Variants in CACNA2D2 observed in about 807,000 individuals in gnomAD.
CACNA2D2 encodes the protein voltage-dependent calcium channel subunit alpha-2/delta-2.
In CACNA2D2, 48 loss-of-function variants were observed where a neutral mutation model predicts 166.4. That is an observed-to-expected ratio of 0.29 (90% CI 0.23 to 0.37). The LOEUF (loss-of-function observed/expected upper bound fraction) is 0.37, where lower values mean the gene tolerates loss of function less well. Among genes scored for constraint, CACNA2D2 ranks in the 10% least tolerant of loss-of-function variants. The pLI is 1.00. For missense variants in CACNA2D2, 1,122 were observed against 1,433.0 expected (o/e 0.78, Z 3.50); for synonymous variants, 561 against 573.7 (o/e 0.98, Z 0.32).
intron 2 of CACNA2D2, among the ~76,000 whole-genome samples, chr3:50,460,462 T>G (rs778434007): frequency 6.7e-6 from 1 of 149,364 alleles, no homozygotes; most frequent in African/African-American, 2.6e-5. Flanking sequence ...CAAAATTATT[T>G]CAAAATAAAA....
chr3:50,464,258 A>G (rs1048671062), intron 2 of CACNA2D2, among the ~76,000 whole-genome samples: 13 of 152,210 alleles, frequency 8.5e-5, no homozygotes, highest in African/African-American at 2.9e-4. Flanking sequence ...GCACTCCAGG[A>G]TCTGTGGAGG....
intron 1 of CACNA2D2, among the ~76,000 whole-genome samples, chr3:50,498,572 G>C (rs1698820812): frequency 1.3e-5 from 2 of 152,214 alleles, no homozygotes; most frequent in Non-Finnish European, 2.9e-5. Context: ...CTCTGGGCTG[G>C]GGGTGCTCCA....
intron 4 of CACNA2D2, among the ~76,000 whole-genome samples, chr3:50,392,979 A>C (rs1368322607): frequency 6.6e-6 from 1 of 152,154 alleles, no homozygotes; most frequent in African/African-American, 2.4e-5. Context: ...CCAGGGGTAA[A>C]GGAAGAGTGC....
chr3:50,480,049 C>T (rs1457888260), intron 1 of CACNA2D2, among the ~76,000 whole-genome samples: 1 of 152,140 alleles, frequency 6.6e-6, no homozygotes, highest in Non-Finnish European at 1.5e-5. Context: ...GATCAAGTCA[C>T]GTCCTCCAAT....
chr3:50,394,299 G>T, intron 3 of CACNA2D2, 131 bp from the exon 4 acceptor site: 1 of 709,858 alleles, frequency 1.4e-6, no homozygotes. Context: ...CTCATCCTAC[G>T]AGACCCTCAG....
At chr3:50,432,680 T>C (rs577517717) in intron 3 of CACNA2D2, among the ~76,000 whole-genome samples, 5 of 152,152 alleles carry the variant, frequency 3.3e-5, no homozygotes, top group African/African-American at 4.8e-5. Context: ...CCCACACTCA[T>C]GTCCAGGAGA....
chr3:50,493,924 A>T (rs1698620176), intron 1 of CACNA2D2, among the ~76,000 whole-genome samples: 1 of 152,210 alleles, frequency 6.6e-6, no homozygotes, highest in African/African-American at 2.4e-5. Context: ...CGGAGGCCAG[A>T]GCTCTTCCCA....
chr3:50,367,158 AC>A lies in CACNA2D2; in HGVS notation c.2402-50del. The A allele has an allele frequency of 7.1e-7, 1 of 1,398,812 alleles. No individual in the cohort carries two copies. The highest frequency in any genetic ancestry group is 1.0e-6 in the Non-Finnish European group (1 of 992,924). The allele number at this position is 1,398,812 out of a possible 1,614,324, so 86.7% of individuals were successfully genotyped here. A position where few individuals can be genotyped will look rare whatever the true frequency, so the allele number is the denominator to read the frequency against. Reference sequence around the variant, plus strand: ...GGAGTGGGGTCTGGCGGCCACACTGACCACTCTATGCTGGGTCCTACAAACC... The same window carrying A: ...GGAGTGGGGTCTGGCGGCCACACTGACACTCTATGCTGGGTCCTACAAACC... On this transcript the variant is annotated intron_variant, in intron 27 of 37. Coordinates refer to ENST00000424201, the MANE Select transcript of CACNA2D2 (RefSeq NM_006030.4). This position sits in a 1 kb window ranked among gnomAD's most constrained non-coding sequence, Gnocchi z 6.5.
At chr3:50,415,631 T>C (rs553808523) in intron 3 of CACNA2D2, among the ~76,000 whole-genome samples, 4 of 152,262 alleles carry the variant, frequency 2.6e-5, no homozygotes, top group Non-Finnish European at 5.9e-5. Context: ...ACAGTGCCTG[T>C]GTGCCCCTCA....
chr3:50,365,030 G>A lies in CACNA2D2; in HGVS notation c.3208+45C>T. ...CGGCGGCGGCACGGAGGGGGCGCGC[G>A]GGGCAGAGGGGGAGCGGGCGGCGGG... On this transcript the variant is annotated intron_variant, in intron 36 of 37. Transcript: ENST00000424201. The surrounding 1 kb of genome is among the most constrained non-coding windows in gnomAD (Gnocchi z 4.5). 1.9e-6 allele frequency: 3 copies of A among 1,598,228 alleles called. No homozygotes were observed. Among genetic ancestry groups the A allele is most frequent in the Admixed American group, 1.7e-5 (1 of 58,854 alleles).
intron 2 of CACNA2D2, among the ~76,000 whole-genome samples, chr3:50,473,908 C>T (rs760705914): frequency 5.9e-5 from 9 of 152,204 alleles, no homozygotes; most frequent in Non-Finnish European, 1.0e-4. Flanking sequence ...GCCGCTGGAG[C>T]GCTGGCAGCC....
At chr3:50,385,071 G>A (rs587726510) in intron 5 of CACNA2D2, among the ~76,000 whole-genome samples, 1 of 152,286 alleles carries the variant, frequency 6.6e-6, no homozygotes, top group South Asian at 2.1e-4. Context: ...CGGGCAGGCT[G>A]GGCATGCACC....
intron 3 of CACNA2D2, among the ~76,000 whole-genome samples, chr3:50,418,106 G>A (rs1707353406): frequency 6.6e-6 from 1 of 152,154 alleles, no homozygotes; most frequent in African/African-American, 2.4e-5. Flanking sequence ...TTGGCCCAAA[G>A]AGACCGCACC....
Position 50,365,279 on chromosome 3 carries a change from C to T in CACNA2D2, c.3098+77G>A, listed in dbSNP as rs1347757817. The T allele has an allele frequency of 8.8e-6, 14 of 1,587,762 alleles. No individual in the cohort carries two copies. The highest frequency in any genetic ancestry group is 1.1e-5 in the Non-Finnish European group (13 of 1,167,722). On this transcript the variant is annotated intron_variant, in intron 35 of 37. Coordinates refer to ENST00000424201, the MANE Select transcript of CACNA2D2 (RefSeq NM_006030.4). This position sits in a 1 kb window ranked among gnomAD's most constrained non-coding sequence, Gnocchi z 4.5. Reference sequence around the variant, plus strand: ...GCCCCCGGCCGCTCGGAGGCCCCGCCCCTTCCATCCTCCCGAGCGTCTCGC... The same window carrying T: ...GCCCCCGGCCGCTCGGAGGCCCCGCTCCTTCCATCCTCCCGAGCGTCTCGC...
intron 1 of CACNA2D2, among the ~76,000 whole-genome samples, chr3:50,495,995 T>C (rs1427412937): frequency 6.6e-6 from 1 of 152,216 alleles, no homozygotes; most frequent in Non-Finnish European, 1.5e-5. Context: ...TCACGCCAGT[T>C]GGTAGAAGAT....
intron 22 of CACNA2D2, chr3:50,373,191 T>G: frequency 1.1e-6 from 1 of 914,172 alleles, no homozygotes; most frequent in East Asian, 2.6e-5. Flanking sequence ...CAATATTTTA[T>G]TCAATGGCTG....
intron 3 of CACNA2D2, among the ~76,000 whole-genome samples, chr3:50,410,080 G>A (rs558802045): frequency 3.9e-5 from 6 of 152,348 alleles, no homozygotes; most frequent in Admixed American, 2.0e-4. Context: ...TCTACCTGTG[G>A]TTAGCCTGCT....
intron 2 of CACNA2D2, among the ~76,000 whole-genome samples, chr3:50,439,256 C>T (rs1428742278): frequency 6.6e-6 from 1 of 152,136 alleles, no homozygotes; most frequent in African/African-American, 2.4e-5. Context: ...GAGGGCCATG[C>T]TGGAGGGGAA....
At chr3:50,425,419 C>T (rs1707761864) in intron 3 of CACNA2D2, among the ~76,000 whole-genome samples, 1 of 152,206 alleles carries the variant, frequency 6.6e-6, no homozygotes, top group African/African-American at 2.4e-5. Context: ...TCTTCTTAGA[C>T]TTGCCTGTCC....
Sources: gnomAD v4.1 joint callset for allele counts (sites outside exome capture counted in the v4.1 genomes callset) on GRCh38, gnomAD v4.1.1 for gene constraint, Gnocchi (gnomAD v3.1) non-coding constraint, MANE v1.5 for transcripts, NCBI Gene and HGNC (gene_info 2026-07-23, HGNC 2026-07-21) for gene names.